Variants in SLCO1B1 observed in about 807,000 individuals in gnomAD.
SLCO1B1 encodes the protein solute carrier organic anion transporter family member 1B1.
A neutral mutation model predicts 70.1 loss-of-function variants in SLCO1B1; 81 were observed. The ratio of observed to expected loss-of-function variants is 1.16; its 90% CI spans 0.97 to 1.39. The LOEUF (loss-of-function observed/expected upper bound fraction) is 1.39. Among genes scored for constraint, SLCO1B1 ranks in the 40% most tolerant of loss-of-function variants. SLCO1B1 has a pLI of 0.00. For missense variants in SLCO1B1, 895 were observed against 799.6 expected (o/e 1.12, Z -1.44); for synonymous variants, 283 against 271.5 (o/e 1.04, Z -0.42).
Position 21,196,989 on chromosome 12 carries a change from T to C in SLCO1B1, c.771T>C (p.Ala257=), listed in dbSNP as rs777483548. The C allele has an allele frequency of 1.2e-6, 2 of 1,613,706 alleles. No individual in the cohort carries two copies. The highest frequency in any genetic ancestry group is 8.5e-7 in the Non-Finnish European group (1 of 1,179,680). The change falls in exon 8 of 15, where the codon GCT becomes GCC. Residue 257 remains alanine, a synonymous_variant. Coordinates refer to ENST00000256958, the MANE Select transcript of SLCO1B1 (RefSeq NM_006446.5). ...CTACTGATTCTCGATGGGTTGGAGC[T>C]TGGTGGCTTAATTTCCTTGTGTCTG... The part of the protein sequence containing the change: ...ITPTDSRWVG[A]WWLNFLVSGL...
chr12:21,222,389 AAAAAAAAAATAT>A (rs1265284002), intron 13 of SLCO1B1, 25 bp downstream of exon 13: 11 of 348,158 alleles, frequency 3.2e-5, no homozygotes, highest in African/African-American at 7.1e-5. Flanking sequence ...AAAAAAAAAA[AAAAAAAAAATAT>A]ATATATATAT....
chr12:21,137,821 G>A (rs760404357), intron 1 of SLCO1B1, among the ~76,000 whole-genome samples: 117 of 152,284 alleles, frequency 7.7e-4, no homozygotes, highest in Non-Finnish European at 1.2e-3. Context: ...TTTGGCTTGC[G>A]CACGGTGCGC....
intron 14 of SLCO1B1, among the ~76,000 whole-genome samples, chr12:21,238,050 T>C (rs991882310): frequency 1.3e-5 from 2 of 152,138 alleles, no homozygotes; most frequent in Non-Finnish European, 2.9e-5. Flanking sequence ...TTGCTCCTTT[T>C]CTCTTTGTTT....
chr12:21,153,878 G>A (rs948228414), intron 2 of SLCO1B1, among the ~76,000 whole-genome samples: 13 of 151,770 alleles, frequency 8.6e-5, no homozygotes, highest in Admixed American at 1.3e-4. Flanking sequence ...TTTTCTCTAA[G>A]TGGTTATATT....
At chr12:21,220,120 T>C (rs1212853976) in intron 12 of SLCO1B1, among the ~76,000 whole-genome samples, 4 of 152,112 alleles carry the variant, frequency 2.6e-5, no homozygotes, top group Non-Finnish European at 5.9e-5. Context: ...ATGTGGCATG[T>C]GAGAAAGATA....
At chr12:21,194,800 G>T (rs1292725330) in intron 7 of SLCO1B1, among the ~76,000 whole-genome samples, 2 of 152,186 alleles carry the variant, frequency 1.3e-5, no homozygotes, top group Non-Finnish European at 2.9e-5. Context: ...AAGTAAAGAG[G>T]TTTAATTGGC....
chr12:21,172,289 A>T (rs1049938647), intron 2 of SLCO1B1, among the ~76,000 whole-genome samples: 1 of 152,156 alleles, frequency 6.6e-6, no homozygotes, highest in Non-Finnish European at 1.5e-5. Context: ...CTCCCCTCCC[A>T]GTTAGCCAAT....
At chr12:21,196,253 CT>C (rs147804573) in intron 7 of SLCO1B1, among the ~76,000 whole-genome samples, 1,543 of 152,064 alleles carry the variant, frequency 0.01, 35 homozygotes, top group South Asian at 0.039. Context: ...CTCATATTGG[CT>C]TTTTTTATTA....
At chr12:21,210,570 T>C (rs368131322) in intron 11 of SLCO1B1, among the ~76,000 whole-genome samples, 2 of 146,456 alleles carry the variant, frequency 1.4e-5, no homozygotes, top group Non-Finnish European at 3.0e-5. Flanking sequence ...CCATATGAAC[T>C]TTAAAGTATT....
intron 14 of SLCO1B1, among the ~76,000 whole-genome samples, chr12:21,233,173 G>A (rs545902604): frequency 6.6e-6 from 1 of 152,186 alleles, no homozygotes; most frequent in South Asian, 2.1e-4. Flanking sequence ...CTCCAACTGA[G>A]AATTCAGGTC....
At chr12:21,237,553 C>A (rs559941705) in intron 14 of SLCO1B1, among the ~76,000 whole-genome samples, 1 of 151,946 alleles carries the variant, frequency 6.6e-6, no homozygotes, top group Non-Finnish European at 1.5e-5. Context: ...AATAACACAC[C>A]TACACGTAGT....
intron 7 of SLCO1B1, among the ~76,000 whole-genome samples, chr12:21,180,415 T>C (rs1177651167): frequency 6.6e-6 from 1 of 152,192 alleles, no homozygotes; most frequent in Non-Finnish European, 1.5e-5. Flanking sequence ...AGAGCATGCC[T>C]TTATTGTAAC....
At chr12:21,180,932 T>C (rs1476509631) in intron 7 of SLCO1B1, among the ~76,000 whole-genome samples, 1 of 152,226 alleles carries the variant, frequency 6.6e-6, no homozygotes, top group Non-Finnish European at 1.5e-5. Flanking sequence ...TTATATCTTC[T>C]CTTATTCAGT....
intron 1 of SLCO1B1, among the ~76,000 whole-genome samples, chr12:21,137,787 G>T (rs1363798539): frequency 6.6e-6 from 1 of 152,096 alleles, no homozygotes; most frequent in Non-Finnish European, 1.5e-5. Context: ...TGTGCTTCCC[G>T]GGTGAGGCAA....
At chr12:21,191,036 A>C (rs1467982673) in intron 7 of SLCO1B1, among the ~76,000 whole-genome samples, 1 of 151,930 alleles carries the variant, frequency 6.6e-6, no homozygotes, top group Admixed American at 6.6e-5. Context: ...ATATTATATT[A>C]ATTACTATAG....
chr12:21,168,346 A>T (rs1334318338), intron 2 of SLCO1B1, among the ~76,000 whole-genome samples: 2 of 152,198 alleles, frequency 1.3e-5, no homozygotes, highest in African/African-American at 4.8e-5. Flanking sequence ...CGTTGTTAAT[A>T]ATGCTGCATG....
At chr12:21,219,781 G>A (rs916809112) in intron 12 of SLCO1B1, among the ~76,000 whole-genome samples, 1 of 152,076 alleles carries the variant, frequency 6.6e-6, no homozygotes, top group Non-Finnish European at 1.5e-5. Context: ...TTATTTTTGA[G>A]AGACAGTCTT....
At chr12:21,134,539 A>G (rs181579278) in intron 1 of SLCO1B1, among the ~76,000 whole-genome samples, 2 of 152,084 alleles carry the variant, frequency 1.3e-5, no homozygotes, top group East Asian at 3.9e-4. Context: ...CAGAGATGCA[A>G]CTTCTTCCTG....
At chr12:21,148,216 G>T (rs1432648533) in intron 2 of SLCO1B1, among the ~76,000 whole-genome samples, 1 of 152,118 alleles carries the variant, frequency 6.6e-6, no homozygotes, top group Non-Finnish European at 1.5e-5. Flanking sequence ...AGTTTAATTA[G>T]ATCCCATTTG....
Sources: allele counts gnomAD v4.1 joint callset (sites outside exome capture counted in the v4.1 genomes callset), GRCh38; gene constraint gnomAD v4.1.1; transcripts MANE v1.5; gene names NCBI Gene and HGNC (gene_info 2026-07-23, HGNC 2026-07-21).